Variants in PACSIN1 observed in about 807,000 individuals in gnomAD.
PACSIN1 encodes protein kinase C and casein kinase substrate in neurons protein 1.
In PACSIN1, 15 loss-of-function variants were observed where a neutral mutation model predicts 59.5. The ratio of observed to expected loss-of-function variants is 0.25; its 90% CI spans 0.17 to 0.39. PACSIN1 has a LOEUF of 0.39. PACSIN1 is among the 10% of genes least tolerant of loss of function. The pLI is 1.00. For synonymous variants in PACSIN1, 210 were observed against 220.6 expected, an observed-to-expected ratio of 0.95 and a Z score of 0.42; for missense variants, 420 against 580.2, an observed-to-expected ratio of 0.72 and a Z score of 2.84.
At chr6:34,472,835 T>C (rs4713796) in intron 1 of PACSIN1, among the ~76,000 whole-genome samples, 150,910 of 152,272 alleles carry the variant, frequency 0.99, 74,796 homozygotes, top group East Asian at 1. Context: ...GTGGTGGTTG[T>C]GTAGCACTGG....
At chr6:34,483,568 G>T (rs1356423253) in intron 1 of PACSIN1, among the ~76,000 whole-genome samples, 2 of 149,214 alleles carry the variant, frequency 1.3e-5, no homozygotes, top group Non-Finnish European at 3.0e-5. Context: ...AAACTCCACC[G>T]CTCCCTTTAC....
intron 1 of PACSIN1, among the ~76,000 whole-genome samples, chr6:34,504,978 GTTA>G (rs765883996): frequency 5.1e-4 from 77 of 151,052 alleles, no homozygotes; most frequent in African/African-American, 1.6e-3. Context: ...GTTTTTCCCT[GTTA>G]TTATTATTAT....
intron 1 of PACSIN1, among the ~76,000 whole-genome samples, chr6:34,487,477 C>T (rs963592254): frequency 1.3e-5 from 2 of 152,072 alleles, no homozygotes; most frequent in East Asian, 1.9e-4. Context: ...GTGTAGTTGG[C>T]GTAGGTCTAG....
At chr6:34,472,358 A>G (rs1314008278) in intron 1 of PACSIN1, among the ~76,000 whole-genome samples, 4 of 150,194 alleles carry the variant, frequency 2.7e-5, no homozygotes, top group Non-Finnish European at 4.4e-5. Flanking sequence ...CTCTGTTCAT[A>G]TTTACATAAC....
At chr6:34,520,254 C>T (rs888708050) in intron 1 of PACSIN1, among the ~76,000 whole-genome samples, 2 of 152,160 alleles carry the variant, frequency 1.3e-5, no homozygotes, top group Admixed American at 6.5e-5. Context: ...CCAAGCCAGG[C>T]GCTGTGAGCC....
chr6:34,495,360 A>G (rs966997331), intron 1 of PACSIN1, among the ~76,000 whole-genome samples: 3 of 152,220 alleles, frequency 2.0e-5, no homozygotes, highest in African/African-American at 7.2e-5. Context: ...AATCACATGA[A>G]GGAACTTTAC....
At chr6:34,467,050 A>G (rs987796050) in intron 1 of PACSIN1, among the ~76,000 whole-genome samples, 2 of 152,182 alleles carry the variant, frequency 1.3e-5, no homozygotes, top group African/African-American at 4.8e-5. Context: ...CCACATAGGC[A>G]GTGACACATA....
intron 3 of PACSIN1, 135 bp downstream of exon 3, chr6:34,527,623 C>T: frequency 1.4e-6 from 1 of 717,774 alleles, no homozygotes; most frequent in Non-Finnish European, 2.1e-6. Flanking sequence ...AGGCGCTGTT[C>T]CCTCCTAGAT....
Position 34,488,011 on chromosome 6 carries a change from A to G in PACSIN1, c.-64+21741A>G, listed in dbSNP as rs559625105. Among the ~76,000 whole-genome samples, 1 of 152,296 alleles carries G rather than the reference A, an allele frequency of 6.6e-6. No homozygotes were observed. The highest frequency in any genetic ancestry group is 1.9e-4 in the East Asian group (1 of 5,182). On this transcript the variant is annotated intron_variant, in intron 1 of 9. Transcript: ENST00000244458. The surrounding 1 kb of genome is among the most constrained non-coding windows in gnomAD (Gnocchi z 4.7). ...TGGGGAGGCTTATAAGGGGAAGGTC[A>G]GTGAGATAAGCCACAGTCCCGCTGC...
chr6:34,509,879 A>C (rs1331922183), intron 1 of PACSIN1, among the ~76,000 whole-genome samples: 3 of 152,212 alleles, frequency 2.0e-5, no homozygotes, highest in African/African-American at 7.2e-5. Flanking sequence ...ATTTTAGAAA[A>C]CTTTCAGAAT....
intron 1 of PACSIN1, among the ~76,000 whole-genome samples, chr6:34,508,324 C>T (rs1462764342): frequency 1.3e-5 from 2 of 152,174 alleles, no homozygotes; most frequent in Admixed American, 6.5e-5. Flanking sequence ...AGGCTGTTCT[C>T]GAACTCCTGA....
At chr6:34,526,022 C>A (rs1221177100) in intron 1 of PACSIN1, among the ~76,000 whole-genome samples, 6 of 151,818 alleles carry the variant, frequency 4.0e-5, no homozygotes, top group African/African-American at 1.5e-4. Context: ...AGGATGGATT[C>A]CAGGGAGGGG....
At chr6:34,524,791 G>A (rs1767455013) in intron 1 of PACSIN1, among the ~76,000 whole-genome samples, 1 of 152,214 alleles carries the variant, frequency 6.6e-6, no homozygotes, top group Admixed American at 6.5e-5. Context: ...AATAACAATT[G>A]TATGGTATTA....
At chr6:34,507,697 A>G (rs1299252823) in intron 1 of PACSIN1, among the ~76,000 whole-genome samples, 2 of 152,170 alleles carry the variant, frequency 1.3e-5, no homozygotes, top group Non-Finnish European at 2.9e-5. Flanking sequence ...ATCGAATAGC[A>G]GCTCCCCATT....
chr6:34,528,915 G>GGGGGGGGGGC, intron 4 of PACSIN1, 38 bp downstream of exon 4: 1 of 653,170 alleles, frequency 1.5e-6, no homozygotes, highest in Non-Finnish European at 2.7e-6. Context: ...GGTGGGGTGG[G>GGGGGGGGGGC]CCCGTCTGAT....
chr6:34,513,473 T>C (rs924408831), intron 1 of PACSIN1, among the ~76,000 whole-genome samples: 3 of 151,530 alleles, frequency 2.0e-5, no homozygotes, highest in Non-Finnish European at 4.4e-5. Flanking sequence ...GCATGTCCTG[T>C]GGGGCATGCT....
rs779319524 is a variant in PACSIN1, at chr6:34,529,661, C to T, written c.613-5C>T. 1.2e-6 allele frequency: 2 copies of T among 1,613,790 alleles called. No homozygotes were observed. The highest frequency in any genetic ancestry group is 1.7e-6 in the Non-Finnish European group (2 of 1,179,790). On this transcript the variant is annotated splice_polypyrimidine_tract_variant and splice_region_variant and intron_variant, in intron 5 of 9. Coordinates refer to ENST00000244458, the MANE Select transcript of PACSIN1 (RefSeq NM_020804.5). This position sits in a 1 kb window ranked among gnomAD's most constrained non-coding sequence, Gnocchi z 6.3. ...GTCACCCTCTCTCCACTCTGGTGCC[C>T]ACAGACACAGGAGAAGTATGAGAAA...
intron 1 of PACSIN1, among the ~76,000 whole-genome samples, chr6:34,510,183 G>A (rs1449645673): frequency 2.0e-5 from 3 of 152,212 alleles, no homozygotes; most frequent in South Asian, 2.1e-4. Context: ...GCGTTTTCAC[G>A]GCTGTTAGCC....
rs988439667 is a variant in PACSIN1 at position 34,532,351 on chromosome 6, C to T, written c.1226-70C>T. The T allele has an allele frequency of 3.3e-5, 35 of 1,052,736 alleles. No homozygotes were observed. The highest frequency in any genetic ancestry group is 6.2e-5 in the Admixed American group (3 of 48,452). The allele number at this position is 1,052,736 out of a possible 1,614,324, so 65.2% of individuals were successfully genotyped here. ...TCAGGAGGTGGGTATTGGAGGGTTCCCCTAGCAGCCGGTGCGTTGAGGGAG... is the reference window on the plus strand; with the variant it reads ...TCAGGAGGTGGGTATTGGAGGGTTCTCCTAGCAGCCGGTGCGTTGAGGGAG... On this transcript the variant is annotated intron_variant, in intron 9 of 9. Coordinates refer to ENST00000244458, the MANE Select transcript of PACSIN1 (RefSeq NM_020804.5). This position sits in a 1 kb window ranked among gnomAD's most constrained non-coding sequence, Gnocchi z 5.2.
Sources: allele counts gnomAD v4.1 joint callset (sites outside exome capture counted in the v4.1 genomes callset), GRCh38; gene constraint gnomAD v4.1.1; non-coding constraint Gnocchi (gnomAD v3.1); transcripts MANE v1.5; gene names NCBI Gene and HGNC (gene_info 2026-07-23, HGNC 2026-07-21).